Variants in ZFYVE27 observed in about 807,000 individuals in gnomAD.
ZFYVE27 encodes the protein protrudin.
A neutral mutation model predicts 52.8 loss-of-function variants in ZFYVE27; 36 were observed. That is an observed-to-expected ratio of 0.68 (90% CI 0.52 to 0.90). The LOEUF (loss-of-function observed/expected upper bound fraction) is 0.90, where lower values mean the gene tolerates loss of function less well. Among genes scored for constraint, ZFYVE27 ranks in the 40% least tolerant of loss-of-function variants. ZFYVE27 has a pLI of 0.00. For synonymous variants in ZFYVE27, 223 were observed against 215.6 expected, an observed-to-expected ratio of 1.03 and a Z score of -0.30; for missense variants, 450 against 527.2, an observed-to-expected ratio of 0.85 and a Z score of 1.43.
chr10:97,752,692 C>G (rs2136246902), intron 8 of ZFYVE27, among the ~76,000 whole-genome samples, 165 bp from the exon 9 acceptor site: 1 of 152,256 alleles, frequency 6.6e-6, no homozygotes, highest in African/African-American at 2.4e-5. Flanking sequence ...TGCTGGGATC[C>G]TCTTGTGGGG....
At chr10:97,754,714 A>G (rs1261286427) in intron 10 of ZFYVE27, 2 of 1,289,272 alleles carry the variant, frequency 1.6e-6, no homozygotes, top group South Asian at 1.2e-5. Context: ...ATCTCATTTC[A>G]TCCTTACCGT....
chr10:97,745,246 G>A (rs1469584795), intron 4 of ZFYVE27, among the ~76,000 whole-genome samples: 2 of 151,454 alleles, frequency 1.3e-5, no homozygotes, highest in Non-Finnish European at 2.9e-5. Context: ...ACGCAATCTC[G>A]GCTCACTGCA....
chr10:97,746,049 ATATTTTT>A (rs1369034859), intron 4 of ZFYVE27, among the ~76,000 whole-genome samples: 652 of 35,224 alleles, frequency 0.019, 4 homozygotes, highest in African/African-American at 0.04. Flanking sequence ...ATATATATAT[ATATTTTT>A]TTTTTTTTTT....
chr10:97,748,451 G>A, intron 5 of ZFYVE27, 87 bp downstream of exon 5: 2 of 1,359,328 alleles, frequency 1.5e-6, no homozygotes, highest in South Asian at 2.5e-5. Flanking sequence ...GAGGACCTCT[G>A]CCCCTCTTAC....
At chr10:97,748,897 A>G (rs983984371) in intron 5 of ZFYVE27, among the ~76,000 whole-genome samples, 2 of 152,208 alleles carry the variant, frequency 1.3e-5, no homozygotes, top group South Asian at 4.1e-4. Flanking sequence ...TTAATGTTTT[A>G]GAAAATTTTT....
In ZFYVE27 at chr10:97,753,118, G is replaced by A. The variant is rs375509512; in HGVS notation, c.978G>A (p.Val326=). 4.3e-6 allele frequency: 7 copies of A among 1,612,120 alleles called. No individual in the cohort carries two copies. In the African/African-American group the frequency reaches 8.0e-5, roughly 18 times the overall value. ...QDNGFLSKNE[V]LRSKVSRLTE... is the part of the protein sequence containing the mutation. ...ACGGGTTCCTGAGCAAGAATGAGGT[G>A]CTGCGCAGCAAGGTGTCTCGGCTCA... Residue 326 remains valine, a synonymous_variant, in exon 10 of 13, where the codon GTG becomes GTA. Coordinates refer to ENST00000684270, the MANE Select transcript of ZFYVE27 (RefSeq NM_001385875.1).
Position 97,750,415 on chromosome 10 carries a change from A to C in ZFYVE27, c.749A>C (p.Asp250Ala). The change falls in exon 7 of 13, where the codon GAT becomes GCT. Residue 250 changes from aspartate to alanine, a missense_variant. By Grantham distance (126) the Asp-to-Ala change is moderately radical. Transcript: ENST00000684270. ...EHAFESPPPP[D>A]VGGKDGLMDS... ...GCCTTTGAGAGTCCTCCACCACCAG[A>C]TGTTGGGGGGAAGGATGGTCTGATG... The C allele has an allele frequency of 1.2e-6, 2 of 1,614,096 alleles. No individual in the cohort carries two copies. Among genetic ancestry groups the C allele is most frequent in the Non-Finnish European group, 1.7e-6 (2 of 1,180,010 alleles).
At chr10:97,746,842 C>T (rs2045575843) in intron 4 of ZFYVE27, among the ~76,000 whole-genome samples, 1 of 151,964 alleles carries the variant, frequency 6.6e-6, no homozygotes, top group Non-Finnish European at 1.5e-5. Context: ...GGCACATGCA[C>T]CATACCCTGC....
chr10:97,747,507 A>G (rs570003713), intron 4 of ZFYVE27, among the ~76,000 whole-genome samples: 6 of 152,208 alleles, frequency 3.9e-5, no homozygotes, highest in Non-Finnish European at 2.9e-5. Context: ...CTGGCTTTCT[A>G]CTATAAGGAA....
chr10:97,755,642 T>C (rs2048163726), intron 10 of ZFYVE27, among the ~76,000 whole-genome samples: 1 of 152,146 alleles, frequency 6.6e-6, no homozygotes, highest in Admixed American at 6.5e-5. Context: ...CACATGTGAA[T>C]GTTAGGGGAC....
At chr10:97,757,393 GAA>G in intron 11 of ZFYVE27, 82 bp downstream of exon 11, 1 of 1,600,334 alleles carries the variant, frequency 6.2e-7, no homozygotes, top group Non-Finnish European at 8.6e-7. Flanking sequence ...GAGTCATTGA[GAA>G]AGTCTGGCTC....
Position 97,760,892 on chromosome 10 carries a change from C to T in ZFYVE27, c.*1592C>T, listed in dbSNP as rs2049353772. 2 of 152,314 alleles carry T rather than the reference C, an allele frequency of 1.3e-5. No individual in the cohort carries two copies. Among genetic ancestry groups the T allele is most frequent in the South Asian group, 4.1e-4 (2 of 4,838 alleles). 9.4% of individuals were successfully genotyped at this position (152,314 alleles called of 1,614,324 possible). On this transcript the variant is annotated 3_prime_UTR_variant, in exon 13 of 13. Coordinates refer to ENST00000684270, the MANE Select transcript of ZFYVE27 (RefSeq NM_001385875.1). ...GAATTGTCAATAAAAAGGCCTCAAG[C>T]TTCTTGTTTTTGTCATGTCTTTGTG...
chr10:97,737,342 C>A (rs947853773), intron 1 of ZFYVE27, 21 bp downstream of exon 1: 3 of 152,556 alleles, frequency 2.0e-5, no homozygotes, highest in African/African-American at 4.8e-5. Context: ...TGCCGTCCCC[C>A]CGCGTCCCAG....
intron 5 of ZFYVE27, among the ~76,000 whole-genome samples, chr10:97,749,057 T>TA (rs1361428639): frequency 5.3e-5 from 8 of 152,312 alleles, no homozygotes; most frequent in Admixed American, 3.3e-4. Context: ...ATCTCACTCT[T>TA]ATAGTAACTC....
At chr10:97,757,786 G>C in intron 12 of ZFYVE27, 63 bp downstream of exon 12, 1 of 1,548,820 alleles carries the variant, frequency 6.5e-7, no homozygotes, top group African/African-American at 1.4e-5. Context: ...TCACGCTGTG[G>C]CACAGAGGCA....
chr10:97,744,207 G>A (rs76708723), intron 3 of ZFYVE27, among the ~76,000 whole-genome samples: 1 of 152,204 alleles, frequency 6.6e-6, no homozygotes, highest in Non-Finnish European at 1.5e-5. Flanking sequence ...TTAGCTTGTT[G>A]TTGGGGTGCC....
At chr10:97,754,836 A>G (rs2047944973) in intron 10 of ZFYVE27, 1 of 1,288,404 alleles carries the variant, frequency 7.8e-7, no homozygotes, top group Non-Finnish European at 1.0e-6. Flanking sequence ...TAATTTGTCT[A>G]TTTCTACAAC....
At chr10:97,756,887 G>A (rs1018953513) in intron 10 of ZFYVE27, among the ~76,000 whole-genome samples, 3 of 152,188 alleles carry the variant, frequency 2.0e-5, no homozygotes, top group Non-Finnish European at 4.4e-5. Context: ...GCATTGCTCC[G>A]GAAAGGGTCA....
At chr10:97,738,877 A>G (rs2042818066) in intron 2 of ZFYVE27, 2 of 611,786 alleles carry the variant, frequency 3.3e-6, no homozygotes, top group Non-Finnish European at 2.9e-6. Context: ...GATACTGGGA[A>G]TGATCCTGCC....
Sources: allele counts gnomAD v4.1 joint callset (sites outside exome capture counted in the v4.1 genomes callset), GRCh38; gene constraint gnomAD v4.1.1; transcripts MANE v1.5; gene names NCBI Gene and HGNC (gene_info 2026-07-23, HGNC 2026-07-21).